Variants in NLGN1 observed in about 807,000 individuals in gnomAD.
The protein encoded by NLGN1 is neuroligin 1, also known as neuroligin-1.
NLGN1 carries 12 observed loss-of-function variants against 65.5 expected under a neutral mutation model. The ratio of observed to expected loss-of-function variants is 0.18; its 90% CI spans 0.12 to 0.30. NLGN1 has a LOEUF of 0.30. Ranked by LOEUF, NLGN1 falls within the 10% of genes least tolerant of loss-of-function variation. NLGN1 has a pLI of 1.00. For missense variants in NLGN1, 750 were observed against 1,007.1 expected (o/e 0.74, Z 3.46); for synonymous variants, 350 against 359.5 (o/e 0.97, Z 0.30).
intron 3 of NLGN1, among the ~76,000 whole-genome samples, chr3:173,775,478 T>C (rs1780173075): frequency 6.6e-6 from 1 of 152,094 alleles, no homozygotes; most frequent in African/African-American, 2.4e-5. Flanking sequence ...TGCTTTTTTT[T>C]TTCCCACCAT....
chr3:173,513,712 A>G (rs1733351048), intron 2 of NLGN1, among the ~76,000 whole-genome samples: 1 of 152,144 alleles, frequency 6.6e-6, no homozygotes. Context: ...CTGTTTGGTG[A>G]AATCTTCCAT....
intron 3 of NLGN1, among the ~76,000 whole-genome samples, chr3:173,630,672 C>T (rs1755547367): frequency 1.3e-5 from 2 of 152,020 alleles, no homozygotes; most frequent in South Asian, 4.2e-4. Flanking sequence ...CTTTGTGAGG[C>T]CTATTTATTA....
intron 3 of NLGN1, among the ~76,000 whole-genome samples, chr3:173,679,550 A>T (rs10936767): frequency 0.21 from 31,595 of 152,034 alleles, 3,447 homozygotes; most frequent in African/African-American, 0.26. Context: ...ATACCATTTC[A>T]TGAGTTAGGT....
rs574910452 is a variant in NLGN1 at position 173,601,784 on chromosome 3, T to C, written c.-320-2495T>C. ...AAACCTATCACTACATTCAATAGAG[T>C]AAAACTGGTAAAATATGTATAAAAA... On this transcript the variant is annotated intron_variant, in intron 2 of 6. Coordinates refer to ENST00000457714, the Ensembl canonical transcript of NLGN1. Among the ~76,000 whole-genome samples, 6 of 152,068 alleles carry C rather than the reference T, an allele frequency of 3.9e-5. No individual in the cohort carries two copies. The East Asian group carries it at 1.2e-3, about 29-fold the overall frequency.
chr3:173,399,114 CT>C (rs1263844718), intron 1 of NLGN1, among the ~76,000 whole-genome samples: 1 of 152,150 alleles, frequency 6.6e-6, no homozygotes, highest in Non-Finnish European at 1.5e-5. Flanking sequence ...TTTACTGTGC[CT>C]TTGGCAGAGA....
In NLGN1 at chr3:173,765,052, ATGTGTGTGTGTGTGTGTG is replaced by A. The variant is rs55747253; in HGVS notation, c.494-42598_494-42581del. On this transcript the variant is annotated intron_variant, in intron 3 of 6. Transcript: ENST00000457714. ...AGAAATTGCTAATTGCTGTGGGTGCATGTGTGTGTGTGTGTGTGTGTGTGTGTGTGTGTGTGTGTGTGT... is the reference window on the plus strand; with the variant it reads ...AGAAATTGCTAATTGCTGTGGGTGCATGTGTGTGTGTGTGTGTGTGTGTGT... 3.7e-3 allele frequency among the ~76,000 whole-genome samples: 500 copies of A among 136,286 alleles called. 1 individual carries two copies. Among genetic ancestry groups the A allele is most frequent in the Middle Eastern group, 0.018 (5 of 272 alleles). The allele number at this position is 136,286 out of a possible 152,430, so 89.4% of individuals were successfully genotyped here.
chr3:173,737,544 T>C (rs1578194412), intron 3 of NLGN1, among the ~76,000 whole-genome samples: 1 of 152,044 alleles, frequency 6.6e-6, no homozygotes, highest in East Asian at 1.9e-4. Flanking sequence ...ATTGTGTTAG[T>C]GTAATGTTTT....
At chr3:174,039,251 T>A (rs140200495) in intron 4 of NLGN1, among the ~76,000 whole-genome samples, 2,852 of 152,026 alleles carry the variant, frequency 0.019, 42 homozygotes, top group South Asian at 0.041. Flanking sequence ...ATAAAATTTT[T>A]ATTTTTTAAT....
intron 4 of NLGN1, among the ~76,000 whole-genome samples, chr3:174,128,115 A>G (rs1030997215): frequency 6.6e-5 from 10 of 152,128 alleles, no homozygotes; most frequent in South Asian, 2.1e-4. Context: ...GAAACCTCCT[A>G]ATTTTCCAAT....
At chr3:173,439,263 C>G (rs1311274259) in intron 2 of NLGN1, among the ~76,000 whole-genome samples, 3 of 152,094 alleles carry the variant, frequency 2.0e-5, no homozygotes, top group Non-Finnish European at 4.4e-5. Context: ...ATTTCTAAAC[C>G]TGTTGAGGCT....
rs549805334 is a variant in NLGN1 at position 173,924,549 on chromosome 3, G to A, written c.646+116717G>A. ...AAAGTATGAGAATCCCTTGAGCCCA[G>A]GATGTCAAGGCTGCAGTGAGCCATA... On this transcript the variant is annotated intron_variant, in intron 4 of 6. Coordinates refer to ENST00000457714, the Ensembl canonical transcript of NLGN1. Among the ~76,000 whole-genome samples the A allele has an allele frequency of 1.1e-4, 17 of 151,610 alleles. No individual in the cohort carries two copies. In the South Asian group the frequency reaches 3.5e-3, roughly 32 times the overall value.
At chr3:174,113,846 A>G (rs1237067029) in intron 4 of NLGN1, among the ~76,000 whole-genome samples, 1 of 152,160 alleles carries the variant, frequency 6.6e-6, no homozygotes, top group African/African-American at 2.4e-5. Context: ...ACGTAGGTGA[A>G]TCAACTGAAA....
At chr3:173,578,077 A>C (rs1453869064) in intron 2 of NLGN1, among the ~76,000 whole-genome samples, 1 of 152,068 alleles carries the variant, frequency 6.6e-6, no homozygotes, top group Non-Finnish European at 1.5e-5. Context: ...TCTGCTAAAA[A>C]TACAAAAAAT....
chr3:173,636,911 G>T (rs540443490), intron 3 of NLGN1, among the ~76,000 whole-genome samples: 1 of 152,214 alleles, frequency 6.6e-6, no homozygotes, highest in East Asian at 1.9e-4. Context: ...AAAAGACAAT[G>T]GGGTATCTCC....
chr3:173,445,287 A>C (rs1053710516), intron 2 of NLGN1, among the ~76,000 whole-genome samples: 4 of 151,732 alleles, frequency 2.6e-5, no homozygotes, highest in South Asian at 2.1e-4. Flanking sequence ...AAAAAAAAAA[A>C]AAAAAAAACA....
chr3:173,894,013 C>A (rs1369002289), intron 4 of NLGN1, among the ~76,000 whole-genome samples: 1 of 152,116 alleles, frequency 6.6e-6, no homozygotes, highest in Non-Finnish European at 1.5e-5. Context: ...TTCACACTTT[C>A]CCTTACTCAC....
chr3:174,069,951 TA>T (rs1203092520), intron 4 of NLGN1, among the ~76,000 whole-genome samples: 1 of 152,158 alleles, frequency 6.6e-6, no homozygotes, highest in Non-Finnish European at 1.5e-5. Context: ...ATAGAAACAG[TA>T]AATGACCTTT....
At chr3:173,722,241 CTTTTT>C (rs58327862) in intron 3 of NLGN1, among the ~76,000 whole-genome samples, 1 of 100,126 alleles carries the variant, frequency 1.0e-5, no homozygotes, top group Non-Finnish European at 1.9e-5. Context: ...TCTTCTTCTT[CTTTTT>C]TTTTTTTTTT....
chr3:173,569,244 C>T (rs1303931600), intron 2 of NLGN1, among the ~76,000 whole-genome samples: 1 of 152,000 alleles, frequency 6.6e-6, no homozygotes, highest in African/African-American at 2.4e-5. Context: ...TAAAATAAAA[C>T]AACACGGATA....
Sources: allele counts gnomAD v4.1 joint callset (sites outside exome capture counted in the v4.1 genomes callset), GRCh38; gene constraint gnomAD v4.1.1; transcripts MANE v1.5; gene names NCBI Gene and HGNC (gene_info 2026-07-23, HGNC 2026-07-21).